TBC1D5: variants seen among roughly 807,000 people sequenced by gnomAD.
TBC1D5 encodes TBC1 domain family, member 5.
A neutral mutation model predicts 100.3 loss-of-function variants in TBC1D5; 75 were observed. The observed-to-expected ratio is 0.75, with a 90% CI of 0.62 to 0.91. The LOEUF (loss-of-function observed/expected upper bound fraction) is 0.91, where lower values mean the gene tolerates loss of function less well. TBC1D5 is among the 40% of genes least tolerant of loss of function. The probability of loss-of-function intolerance (pLI) is 0.00; values close to 1 mark genes in which losing one functional copy is unlikely to be tolerated. For synonymous variants in TBC1D5, 323 were observed against 325.6 expected, an observed-to-expected ratio of 0.99 and a Z score of 0.09; for missense variants, 910 against 942.4, an observed-to-expected ratio of 0.97 and a Z score of 0.45.
At chr3:17,641,463 T>C (rs2064494536) in intron 1 of TBC1D5, among the ~76,000 whole-genome samples, 1 of 152,112 alleles carries the variant, frequency 6.6e-6, no homozygotes, top group African/African-American at 2.4e-5. Context: ...ATGTCATATA[T>C]AAAGTGGGGA....
At chr3:17,575,473 C>A (rs80107178) in intron 2 of TBC1D5, among the ~76,000 whole-genome samples, 42 of 152,136 alleles carry the variant, frequency 2.8e-4, no homozygotes, top group African/African-American at 9.9e-4. Flanking sequence ...ACCACCTACC[C>A]CATAGTATTT....
intron 12 of TBC1D5, among the ~76,000 whole-genome samples, chr3:17,373,893 T>C (rs2092588543): frequency 6.6e-6 from 1 of 152,106 alleles, no homozygotes; most frequent in Non-Finnish European, 1.5e-5. Context: ...CAGTTTTCTT[T>C]TTGGGTGATT....
intron 1 of TBC1D5, among the ~76,000 whole-genome samples, chr3:17,636,291 AT>A (rs879625460): frequency 4.5e-4 from 69 of 152,210 alleles, no homozygotes; most frequent in Middle Eastern, 3.4e-3. Flanking sequence ...AGAAGATAAT[AT>A]TTCTGATCCT....
At chr3:17,215,477 G>A (rs2073526742) in intron 17 of TBC1D5, among the ~76,000 whole-genome samples, 1 of 152,114 alleles carries the variant, frequency 6.6e-6, no homozygotes, top group Non-Finnish European at 1.5e-5. Flanking sequence ...GCAGGTTTTA[G>A]GAATAAATCA....
At chr3:17,368,474 C>T (rs984981918) in intron 13 of TBC1D5, among the ~76,000 whole-genome samples, 2 of 151,810 alleles carry the variant, frequency 1.3e-5, no homozygotes, top group Admixed American at 6.6e-5. Context: ...TTTGATGTTC[C>T]ATGCAACTGT....
At chr3:17,182,300 C>T (rs553729183) in intron 19 of TBC1D5, among the ~76,000 whole-genome samples, 8 of 152,248 alleles carry the variant, frequency 5.3e-5, no homozygotes, top group South Asian at 2.1e-4. Flanking sequence ...GCTATGTGAA[C>T]GAGTTCTGGC....
In TBC1D5 at chr3:17,617,246, A is replaced by T. The variant is rs549388885; in HGVS notation, c.-36+6603T>A. ...TCTGGCTTATAGGGTTTCTGCCGAG[A>T]GATCCGCTGTTAGTCTGATGGGCTC... On this transcript the variant is annotated intron_variant, in intron 2 of 21. Transcript: ENST00000253692. Among the ~76,000 whole-genome samples, 7 of 152,312 alleles carry T rather than the reference A, an allele frequency of 4.6e-5. No individual in the cohort carries two copies. The East Asian group carries it at 1.2e-3, about 25-fold the overall frequency.
chr3:17,656,887 C>G (rs1173680080), intron 1 of TBC1D5, among the ~76,000 whole-genome samples: 2 of 152,082 alleles, frequency 1.3e-5, no homozygotes, highest in African/African-American at 4.8e-5. Context: ...TAGGCCCACA[C>G]TGCTGATGGA....
At chr3:17,593,323 C>T (rs2060353087) in intron 2 of TBC1D5, among the ~76,000 whole-genome samples, 1 of 152,144 alleles carries the variant, frequency 6.6e-6, no homozygotes, top group Non-Finnish European at 1.5e-5. Flanking sequence ...ACAAAGTGGT[C>T]ATGGTGGCAG....
chr3:17,664,127 T>C (rs2066968953), intron 1 of TBC1D5, among the ~76,000 whole-genome samples: 1 of 152,192 alleles, frequency 6.6e-6, no homozygotes, highest in Admixed American at 6.5e-5. Flanking sequence ...TGGAGTGCCG[T>C]GGCATGATCT....
intron 2 of TBC1D5, among the ~76,000 whole-genome samples, chr3:17,598,220 T>A (rs1173455127): frequency 6.6e-6 from 1 of 152,180 alleles, no homozygotes; most frequent in Non-Finnish European, 1.5e-5. Context: ...AAGCTTACAT[T>A]AGTCTTTGTT....
intron 15 of TBC1D5, among the ~76,000 whole-genome samples, chr3:17,280,025 TCA>T (rs1224980318): frequency 1.3e-5 from 2 of 152,194 alleles, no homozygotes; most frequent in Non-Finnish European, 2.9e-5. Context: ...AGGTAATTAG[TCA>T]CTATTCATCC....
intron 2 of TBC1D5, among the ~76,000 whole-genome samples, chr3:17,555,912 C>T (rs1184214379): frequency 6.6e-6 from 1 of 152,156 alleles, no homozygotes; most frequent in African/African-American, 2.4e-5. Flanking sequence ...GCAAGTTTTT[C>T]GGGGTTCTTT....
chr3:17,469,911 TA>T (rs1255588271), intron 3 of TBC1D5, among the ~76,000 whole-genome samples: 1 of 152,228 alleles, frequency 6.6e-6, no homozygotes, highest in Non-Finnish European at 1.5e-5. Context: ...CAGTACACAC[TA>T]AAATAAAAGA....
At chr3:17,688,648 T>C (rs1445609064) in intron 1 of TBC1D5, among the ~76,000 whole-genome samples, 1 of 152,222 alleles carries the variant, frequency 6.6e-6, no homozygotes, top group Non-Finnish European at 1.5e-5. Flanking sequence ...TGTGCCCAAC[T>C]TGTATTCAAC....
chr3:17,303,677 C>A (rs768078084), intron 14 of TBC1D5, among the ~76,000 whole-genome samples: 4 of 152,118 alleles, frequency 2.6e-5, no homozygotes, highest in Non-Finnish European at 5.9e-5. Context: ...TCACCCAATT[C>A]TTTGATATAT....
chr3:17,581,092 G>A (rs910781803), intron 2 of TBC1D5, among the ~76,000 whole-genome samples: 4 of 152,066 alleles, frequency 2.6e-5, no homozygotes, highest in South Asian at 2.1e-4. Context: ...TGCTGTTCTC[G>A]TGATAGTGAG....
intron 2 of TBC1D5, among the ~76,000 whole-genome samples, chr3:17,528,160 A>T (rs1314196742): frequency 6.6e-6 from 1 of 152,122 alleles, no homozygotes; most frequent in Admixed American, 6.5e-5. Flanking sequence ...ACAGAGCTCA[A>T]GCGATCCGCC....
At chr3:17,412,217 C>T (rs572362531) in intron 4 of TBC1D5, among the ~76,000 whole-genome samples, 1 of 151,824 alleles carries the variant, frequency 6.6e-6, no homozygotes, top group South Asian at 2.1e-4. Flanking sequence ...AACAGTAGCA[C>T]CATAGCCACT....
Sources: gnomAD v4.1 joint callset for allele counts (sites outside exome capture counted in the v4.1 genomes callset) on GRCh38, gnomAD v4.1.1 for gene constraint, MANE v1.5 for transcripts, NCBI Gene and HGNC (gene_info 2026-07-23, HGNC 2026-07-21) for gene names.